Variants in MARK2 observed in about 807,000 individuals in gnomAD.
The protein encoded by MARK2 is microtubule affinity regulating kinase 2.
In MARK2, 16 loss-of-function variants were observed where a neutral mutation model predicts 89.8. The observed-to-expected ratio is 0.18, with a 90% CI of 0.12 to 0.27. The LOEUF is 0.27. MARK2 is among the 10% of genes least tolerant of loss of function. The pLI is 1.00. For synonymous variants in MARK2, 382 were observed against 399.5 expected (o/e 0.96, Z 0.52); for missense variants, 621 against 1,049.9 (o/e 0.59, Z 5.65).
chr11:63,877,405 C>T (rs1938833221), intron 1 of MARK2, among the ~76,000 whole-genome samples: 1 of 152,090 alleles, frequency 6.6e-6, no homozygotes, highest in South Asian at 2.1e-4. Flanking sequence ...GCCACTGCAC[C>T]CAGCCCAGAC....
In MARK2 at chr11:63,908,781, T is replaced by C; in HGVS notation, c.2007-96T>C. 3 of 1,294,846 alleles carry C rather than the reference T, an allele frequency of 2.3e-6. No individual in the cohort carries two copies. The South Asian group carries it at 5.8e-5, about 25-fold the overall frequency. The allele number at this position is 1,294,846 out of a possible 1,614,324, so 80.2% of individuals were successfully genotyped here. ...CCTGGCTGCTCCTGCTCCCTCCCGCTCTCCTCTCTGGGCTCAGGGGCTGTC... is the reference window on the plus strand; with the variant it reads ...CCTGGCTGCTCCTGCTCCCTCCCGCCCTCCTCTCTGGGCTCAGGGGCTGTC... On this transcript the variant is annotated intron_variant, in intron 18 of 18. Coordinates refer to ENST00000402010, the MANE Select transcript of MARK2 (RefSeq NM_001039469.3).
chr11:63,855,996 C>T (rs368647220), intron 1 of MARK2, among the ~76,000 whole-genome samples: 1 of 152,162 alleles, frequency 6.6e-6, no homozygotes, highest in Non-Finnish European at 1.5e-5. Context: ...AATAAGATAG[C>T]TGTGTAGTCC....
chr11:63,892,904 AT>A (rs896527484), intron 1 of MARK2, among the ~76,000 whole-genome samples: 4,659 of 114,688 alleles, frequency 0.041, 77 homozygotes, highest in Non-Finnish European at 0.05. Flanking sequence ...TGATTTCTTA[AT>A]TTTTTTTTTT....
chr11:63,860,356 A>T (rs1053186297), intron 1 of MARK2, among the ~76,000 whole-genome samples: 11 of 151,668 alleles, frequency 7.3e-5, no homozygotes, highest in Non-Finnish European at 1.6e-4. Context: ...GATCGAGACC[A>T]TCCTGGCCAA....
chr11:63,870,480 G>A (rs998804006), intron 1 of MARK2, among the ~76,000 whole-genome samples: 1 of 152,170 alleles, frequency 6.6e-6, no homozygotes, highest in Non-Finnish European at 1.5e-5. Flanking sequence ...GTCACTCCGA[G>A]AAAAGCGAGA....
intron 17 of MARK2, 54 bp downstream of exon 17, chr11:63,906,168 G>GTCCTGCC: frequency 1.0e-5 from 13 of 1,256,336 alleles, no homozygotes; most frequent in Non-Finnish European, 1.3e-5. Context: ...TGTGTCCTGT[G>GTCCTGCC]TCCTGCCTCC....
intron 1 of MARK2, among the ~76,000 whole-genome samples, chr11:63,849,145 T>C (rs186056792): frequency 2.6e-5 from 4 of 152,306 alleles, no homozygotes; most frequent in Admixed American, 2.6e-4. Flanking sequence ...GTACTGGGAC[T>C]ACAGGTCACA....
intron 1 of MARK2, among the ~76,000 whole-genome samples, chr11:63,858,483 A>G (rs951925386): frequency 3.7e-4 from 56 of 152,072 alleles, no homozygotes; most frequent in African/African-American, 1.3e-3. Context: ...CCTCTTGAGT[A>G]GCTGGGATTA....
chr11:63,907,424 A>G (rs374147587), intron 17 of MARK2, among the ~76,000 whole-genome samples: 2 of 152,078 alleles, frequency 1.3e-5, no homozygotes, highest in African/African-American at 2.4e-5. Context: ...GTTTATTTCT[A>G]TGTGCTGCTG....
intron 1 of MARK2, among the ~76,000 whole-genome samples, chr11:63,841,831 TC>T (rs760448172): frequency 6.6e-6 from 1 of 152,224 alleles, no homozygotes; most frequent in Non-Finnish European, 1.5e-5. Flanking sequence ...ATGGTATTTT[TC>T]CTGTGATGTG....
chr11:63,904,716 G>A lies in MARK2; in HGVS notation c.1677-70G>A, dbSNP rs1413583933. ...CCCCTCCCTGTCCCCACCACAGGGT[G>A]TCCAGGTGCCCAGTGATGGCTGTCC... On this transcript the variant is annotated intron_variant, in intron 15 of 18. Coordinates refer to ENST00000402010, the MANE Select transcript of MARK2 (RefSeq NM_001039469.3). The surrounding 1 kb of genome is among the most constrained non-coding windows in gnomAD (Gnocchi z 6.3). The A allele has an allele frequency of 1.2e-5, 17 of 1,440,934 alleles. No homozygotes were observed. Among genetic ancestry groups the A allele is most frequent in the Non-Finnish European group, 1.5e-5 (16 of 1,033,042 alleles). 89.3% of individuals were successfully genotyped at this position (1,440,934 alleles called of 1,614,324 possible).
At chr11:63,847,333 G>A (rs906181570) in intron 1 of MARK2, among the ~76,000 whole-genome samples, 1 of 152,212 alleles carries the variant, frequency 6.6e-6, no homozygotes, top group Non-Finnish European at 1.5e-5. Context: ...GGTAGGAGAG[G>A]AGGGGAGATG....
At chr11:63,855,532 A>AC (rs1170084810) in intron 1 of MARK2, among the ~76,000 whole-genome samples, 9 of 147,736 alleles carry the variant, frequency 6.1e-5, no homozygotes, top group South Asian at 4.2e-4. Context: ...AAAAACAAAA[A>AC]AAAAAAAAAA....
chr11:63,876,561 G>A (rs1264504821), intron 1 of MARK2, among the ~76,000 whole-genome samples: 3 of 152,348 alleles, frequency 2.0e-5, no homozygotes. Flanking sequence ...ATGGGTAGCC[G>A]TGGCCTCTGG....
chr11:63,903,396 C>A lies in MARK2; in HGVS notation c.1514+238C>A. 1 of 533,236 alleles carries A rather than the reference C, an allele frequency of 1.9e-6. No homozygotes were observed. Among genetic ancestry groups the A allele is most frequent in the Non-Finnish European group, 3.4e-6 (1 of 293,542 alleles). The allele number at this position is 533,236 out of a possible 1,614,324, so 33.0% of individuals were successfully genotyped here. ...AGTGTGGGGCTGACCGTGGCCATCTCAGCTACATGCTCGCTTCTTGACCAC... is the reference window on the plus strand; with the variant it reads ...AGTGTGGGGCTGACCGTGGCCATCTAAGCTACATGCTCGCTTCTTGACCAC... On this transcript the variant is annotated intron_variant, in intron 14 of 18. Coordinates refer to ENST00000402010, the MANE Select transcript of MARK2 (RefSeq NM_001039469.3). This position sits in a 1 kb window ranked among gnomAD's most constrained non-coding sequence, Gnocchi z 5.1.
chr11:63,887,442 A>G (rs1939469451), intron 1 of MARK2, among the ~76,000 whole-genome samples: 1 of 152,250 alleles, frequency 6.6e-6, no homozygotes, highest in East Asian at 1.9e-4. Flanking sequence ...CTGGACATAC[A>G]GTAGCATCAG....
intron 1 of MARK2, among the ~76,000 whole-genome samples, chr11:63,840,335 C>T (rs1429780418): frequency 6.6e-6 from 1 of 152,166 alleles, no homozygotes; most frequent in Non-Finnish European, 1.5e-5. Context: ...CCTTCAGAGT[C>T]TTTGGATCCC....
intron 1 of MARK2, among the ~76,000 whole-genome samples, chr11:63,873,395 G>A (rs746772695): frequency 5.9e-5 from 9 of 152,172 alleles, no homozygotes; most frequent in Non-Finnish European, 1.3e-4. Context: ...TGGCTGAAAG[G>A]TCAAGAGAGT....
At chr11:63,839,940 C>T (rs1165164635) in intron 1 of MARK2, among the ~76,000 whole-genome samples, 3 of 152,168 alleles carry the variant, frequency 2.0e-5, no homozygotes, top group Admixed American at 1.3e-4. Context: ...CCGCGATTTG[C>T]CACAGATCGT....
Sources: allele counts gnomAD v4.1 joint callset (sites outside exome capture counted in the v4.1 genomes callset), GRCh38; gene constraint gnomAD v4.1.1; non-coding constraint Gnocchi (gnomAD v3.1); transcripts MANE v1.5; gene names NCBI Gene and HGNC (gene_info 2026-07-23, HGNC 2026-07-21).